Variants in KHDRBS2 observed in about 807,000 individuals in gnomAD.
KHDRBS2 encodes the protein KH domain-containing, RNA-binding, signal transduction-associated protein 2.
KHDRBS2 carries 26 observed loss-of-function variants against 44.3 expected under a neutral mutation model. The observed-to-expected ratio is 0.59, with a 90% CI of 0.43 to 0.81. The LOEUF is 0.81. KHDRBS2 is among the 40% of genes least tolerant of loss of function. The probability of loss-of-function intolerance (pLI) is 0.00; values close to 1 mark genes in which losing one functional copy is unlikely to be tolerated. For missense variants in KHDRBS2, 476 were observed against 433.1 expected (o/e 1.10, Z -0.88); for synonymous variants, 194 against 151.1 (o/e 1.28, Z -2.08).
At chr6:61,839,413 C>A (rs1474412804) in intron 6 of KHDRBS2, among the ~76,000 whole-genome samples, 1 of 151,570 alleles carries the variant, frequency 6.6e-6, no homozygotes, top group Admixed American at 6.6e-5. Context: ...GTGAAAAAAA[C>A]GACTGAGGAA....
Position 62,000,689 on chromosome 6 carries a change from C to G in KHDRBS2, c.337-22477G>C, listed in dbSNP as rs115080555. Among the ~76,000 whole-genome samples the G allele has an allele frequency of 3.5e-3, 531 of 152,194 alleles. 3 individuals carry two copies. The highest frequency in any genetic ancestry group is 0.012 in the African/African-American group (514 of 41,534). ...GGAAGACTCACTGCAGAAAGTGGCA[C>G]TTGGCAAGATTTATACAGGTGGGCA... On this transcript the variant is annotated intron_variant, in intron 3 of 8. Coordinates refer to ENST00000281156, the MANE Select transcript of KHDRBS2 (RefSeq NM_152688.4).
chr6:62,243,945 C>CT (rs1184306840), intron 1 of KHDRBS2, among the ~76,000 whole-genome samples: 1 of 151,966 alleles, frequency 6.6e-6, no homozygotes, highest in East Asian at 1.9e-4. Context: ...ATTTTAATGT[C>CT]TTTTTTTGAA....
chr6:62,232,596 T>G (rs763975636), intron 1 of KHDRBS2, among the ~76,000 whole-genome samples: 2 of 152,020 alleles, frequency 1.3e-5, no homozygotes, highest in Non-Finnish European at 2.9e-5. Flanking sequence ...TTATTTAAAA[T>G]ATGCAAATGT....
chr6:62,131,154 C>G (rs929432190), intron 2 of KHDRBS2, among the ~76,000 whole-genome samples: 2 of 151,936 alleles, frequency 1.3e-5, no homozygotes, highest in African/African-American at 4.8e-5. Context: ...TACAAAGTCC[C>G]CTAGTAATCT....
At chr6:61,813,846 C>T (rs1244801308) in intron 6 of KHDRBS2, 2 of 429,600 alleles carry the variant, frequency 4.7e-6, no homozygotes, top group East Asian at 1.4e-4. Context: ...CCTTGGTGAC[C>T]TTCCAGTGCA....
At chr6:62,054,096 A>G (rs921503497) in intron 2 of KHDRBS2, among the ~76,000 whole-genome samples, 6 of 152,124 alleles carry the variant, frequency 3.9e-5, no homozygotes, top group South Asian at 4.1e-4. Flanking sequence ...ATAGATTTCT[A>G]GTCTTCTAAA....
chr6:62,054,182 A>C (rs2127317190), intron 2 of KHDRBS2, among the ~76,000 whole-genome samples: 1 of 152,192 alleles, frequency 6.6e-6, no homozygotes, highest in South Asian at 2.1e-4. Context: ...TGGTCCTAAA[A>C]TTTGTTTAAA....
At chr6:62,067,115 T>C (rs1222587996) in intron 2 of KHDRBS2, among the ~76,000 whole-genome samples, 2 of 151,486 alleles carry the variant, frequency 1.3e-5, no homozygotes, top group African/African-American at 4.8e-5. Flanking sequence ...GATAGAGAAT[T>C]GGGGACTGAG....
At chr6:61,664,231 A>G in the KHDRBS2 span, among the ~76,000 whole-genome samples, 3 of 151,832 alleles carry the variant, frequency 2.0e-5, no homozygotes, top group Non-Finnish European at 2.9e-5. Flanking sequence ...GAAGTTTTAT[A>G]AAATTACTGA....
chr6:61,937,764 T>A (rs1330761311), intron 4 of KHDRBS2, among the ~76,000 whole-genome samples: 1 of 152,074 alleles, frequency 6.6e-6, no homozygotes, highest in Admixed American at 6.5e-5. Flanking sequence ...AAGCCTATGG[T>A]CTTTATTCTG....
At chr6:61,810,545 A>C (rs914818547) in intron 6 of KHDRBS2, among the ~76,000 whole-genome samples, 6 of 152,140 alleles carry the variant, frequency 3.9e-5, no homozygotes, top group Admixed American at 2.6e-4. Flanking sequence ...GAAGCCTACA[A>C]ATTTGTAAAT....
intron 3 of KHDRBS2, among the ~76,000 whole-genome samples, chr6:62,044,411 G>A (rs1052698015): frequency 1.8e-4 from 27 of 151,834 alleles, no homozygotes; most frequent in African/African-American, 6.0e-4. Context: ...TGAGCCCAAC[G>A]GTGGGTCAAA....
intron 6 of KHDRBS2, among the ~76,000 whole-genome samples, chr6:61,782,754 C>G: frequency 9.6e-6 from 1 of 103,916 alleles, no homozygotes; most frequent in African/African-American, 3.1e-5. Flanking sequence ...CACACATATA[C>G]ATATACATAT....
the KHDRBS2 span, among the ~76,000 whole-genome samples, chr6:61,645,813 A>T: frequency 6.6e-6 from 1 of 152,172 alleles, no homozygotes; most frequent in African/African-American, 2.4e-5. Flanking sequence ...ATCACTTTTT[A>T]AAAATATAAC....
intron 1 of KHDRBS2, among the ~76,000 whole-genome samples, chr6:62,237,882 T>C (rs1032797236): frequency 2.0e-5 from 3 of 151,824 alleles, no homozygotes; most frequent in African/African-American, 7.3e-5. Flanking sequence ...CTACTAAAGA[T>C]AAAAAAATTA....
chr6:61,858,470 T>C (rs1224732883), intron 6 of KHDRBS2, among the ~76,000 whole-genome samples: 1 of 151,962 alleles, frequency 6.6e-6, no homozygotes, highest in Admixed American at 6.6e-5. Context: ...ATTTTAAATT[T>C]TAACTGAAAA....
At chr6:61,781,907 T>C (rs1782989632) in intron 6 of KHDRBS2, among the ~76,000 whole-genome samples, 1 of 152,176 alleles carries the variant, frequency 6.6e-6, no homozygotes, top group African/African-American at 2.4e-5. Flanking sequence ...AATGGAAACA[T>C]GATACTGAGC....
chr6:62,050,421 C>A (rs1265462586), intron 2 of KHDRBS2, among the ~76,000 whole-genome samples: 2 of 84,968 alleles, frequency 2.4e-5, no homozygotes, highest in African/African-American at 3.6e-5. Flanking sequence ...TATCCCAGAA[C>A]TTAAAGTTAA....
At chr6:62,137,712 A>C (rs1481613863) in intron 2 of KHDRBS2, among the ~76,000 whole-genome samples, 1 of 152,094 alleles carries the variant, frequency 6.6e-6, no homozygotes, top group Non-Finnish European at 1.5e-5. Context: ...CAAGTCTTAA[A>C]TGTTGTCTAC....
Sources: allele counts gnomAD v4.1 joint callset (sites outside exome capture counted in the v4.1 genomes callset), GRCh38; gene constraint gnomAD v4.1.1; transcripts MANE v1.5; gene names NCBI Gene and HGNC (gene_info 2026-07-23, HGNC 2026-07-21).